AHI1: variants seen among roughly 807,000 people sequenced by gnomAD.
AHI1 encodes the protein jouberin.
In AHI1, 123 loss-of-function variants were observed where a neutral mutation model predicts 149.3. The ratio of observed to expected loss-of-function variants is 0.82; its 90% CI spans 0.71 to 0.96. The LOEUF (loss-of-function observed/expected upper bound fraction) is 0.96, where lower values mean the gene tolerates loss of function less well. Among genes scored for constraint, AHI1 ranks in the 40% least tolerant of loss-of-function variants. AHI1 has a pLI of 0.00. For missense variants in AHI1, 1,439 were observed against 1,422.7 expected, an observed-to-expected ratio of 1.01 and a Z score of -0.18; for synonymous variants, 475 against 459.8, an observed-to-expected ratio of 1.03 and a Z score of -0.42.
intron 3 of AHI1, chr6:135,492,828 T>A: frequency 1.0e-6 from 1 of 985,358 alleles, no homozygotes; most frequent in Non-Finnish European, 1.2e-6. Context: ...TATTACTGTG[T>A]CAGAACTACT....
chr6:135,363,093 C>T (rs2128443644), intron 23 of AHI1, among the ~76,000 whole-genome samples: 1 of 150,296 alleles, frequency 6.7e-6, no homozygotes, highest in African/African-American at 2.5e-5. Context: ...GTGTTTCTCG[C>T]AGAGGGGGAT....
chr6:135,365,115 A>C (rs958141614), intron 23 of AHI1, among the ~76,000 whole-genome samples: 1 of 152,190 alleles, frequency 6.6e-6, no homozygotes, highest in African/African-American at 2.4e-5. Context: ...GCTTTGTCGA[A>C]GATCAGTTGG....
chr6:135,360,866 A>G (rs1793757538), intron 23 of AHI1, among the ~76,000 whole-genome samples: 1 of 152,164 alleles, frequency 6.6e-6, no homozygotes. Context: ...CAGCAGAATA[A>G]AGAATCAATC....
At chr6:135,357,996 AT>A in intron 24 of AHI1, 135 bp downstream of exon 24, 1 of 698,712 alleles carries the variant, frequency 1.4e-6, no homozygotes, top group Non-Finnish European at 2.5e-6. Context: ...AACAACATTA[AT>A]ATGAACAAAT....
chr6:135,402,508 T>C (rs558049358), intron 22 of AHI1, among the ~76,000 whole-genome samples: 2 of 152,230 alleles, frequency 1.3e-5, no homozygotes, highest in East Asian at 3.9e-4. Flanking sequence ...CAGTTGACCC[T>C]TGAACAACAT....
In AHI1 at chr6:135,358,182, T is replaced by C. The variant is rs1253751925; in HGVS notation, c.3115A>G (p.Ile1039Val). The C allele has an allele frequency of 6.2e-7, 1 of 1,612,398 alleles. No homozygotes were observed. The highest frequency in any genetic ancestry group is 1.3e-5 in the African/African-American group (1 of 74,622). The part of the protein sequence containing the change: ...HQFGFTQTGI[I>V]SIERKPCNHQ... Reference sequence around the variant, plus strand: ...TTACAAGGCTTTCTTTCTATGCTGATAATCCCTGTGGAAAGAAAACATTGT... The same window carrying C: ...TTACAAGGCTTTCTTTCTATGCTGACAATCCCTGTGGAAAGAAAACATTGT... Residue 1039 changes from isoleucine to valine, a missense_variant, in exon 24 of 29, where the codon ATC becomes GTC. Ile to Val is a conservative substitution (Grantham distance 29). Coordinates refer to ENST00000265602, the MANE Select transcript of AHI1 (RefSeq NM_001134831.2).
chr6:135,374,141 T>A (rs1775545443), intron 23 of AHI1, among the ~76,000 whole-genome samples: 1 of 133,204 alleles, frequency 7.5e-6, no homozygotes. Context: ...TGAGATGGAG[T>A]CTTGCTCTGT....
intron 5 of AHI1, among the ~76,000 whole-genome samples, chr6:135,483,941 C>T: frequency 6.6e-6 from 1 of 152,206 alleles, no homozygotes; most frequent in Non-Finnish European, 1.5e-5. Context: ...GTGTATTAGT[C>T]CATTTTCACA....
chr6:135,442,221 A>C (rs1786407945), intron 14 of AHI1, among the ~76,000 whole-genome samples: 1 of 152,126 alleles, frequency 6.6e-6, no homozygotes, highest in Non-Finnish European at 1.5e-5. Context: ...GGCTTTTGTA[A>C]CTCAAATCAT....
At chr6:135,425,568 C>T (rs1450067759) in intron 20 of AHI1, among the ~76,000 whole-genome samples, 3 of 151,822 alleles carry the variant, frequency 2.0e-5, no homozygotes, top group Non-Finnish European at 4.4e-5. Context: ...CAGTCATGGT[C>T]TCATAGTATC....
chr6:135,380,927 A>T lies in AHI1; in HGVS notation c.3109+13849T>A, dbSNP rs139238039. Reference sequence around the variant, plus strand: ...TTAAATTTAAACTTTGAACATAAGCATGATGATTTAGAAAAAGATTTTCAT... The same window carrying T: ...TTAAATTTAAACTTTGAACATAAGCTTGATGATTTAGAAAAAGATTTTCAT... On this transcript the variant is annotated intron_variant, in intron 23 of 28. Coordinates refer to ENST00000265602, the MANE Select transcript of AHI1 (RefSeq NM_001134831.2). Among the ~76,000 whole-genome samples, 302 of 152,228 alleles carry T rather than the reference A, an allele frequency of 2.0e-3. 3 individuals are homozygous for T. The highest frequency in any genetic ancestry group is 0.016 in the East Asian group (81 of 5,172).
chr6:135,463,124 C>G lies in AHI1; in HGVS notation c.931+1G>C. ...TTTTTCATTTAATTTGTATAGCAAA[C>G]CTGCTTTAGTCTTCTTTTTTGTTTT... On this transcript the variant is annotated splice_donor_variant, in intron 8 of 28. Coordinates refer to ENST00000265602, the MANE Select transcript of AHI1 (RefSeq NM_001134831.2). LOFTEE classifies it high-confidence loss of function. 6.4e-7 allele frequency: 1 copy of G among 1,565,052 alleles called. No individual in the cohort carries two copies. The highest frequency in any genetic ancestry group is 1.2e-5 in the South Asian group (1 of 80,190).
At chr6:135,475,797 G>A (rs547880033) in intron 5 of AHI1, among the ~76,000 whole-genome samples, 1 of 152,068 alleles carries the variant, frequency 6.6e-6, no homozygotes, top group Admixed American at 6.6e-5. Context: ...ATTTTAATCT[G>A]TATCCTTTTA....
chr6:135,311,925 C>T (rs1477444857), intron 26 of AHI1, among the ~76,000 whole-genome samples: 1 of 152,130 alleles, frequency 6.6e-6, no homozygotes, highest in Non-Finnish European at 1.5e-5. Flanking sequence ...AGTGAAGAGC[C>T]AGCAACAAAT....
intron 14 of AHI1, among the ~76,000 whole-genome samples, chr6:135,441,002 G>A (rs926008775): frequency 2.0e-5 from 3 of 151,982 alleles, no homozygotes; most frequent in African/African-American, 7.2e-5. Flanking sequence ...AAGCCCAGAC[G>A]CTGGGCTTTC....
At chr6:135,482,773 T>C (rs980854086) in intron 5 of AHI1, among the ~76,000 whole-genome samples, 6 of 151,874 alleles carry the variant, frequency 4.0e-5, no homozygotes, top group African/African-American at 1.2e-4. Flanking sequence ...TTTGACTGAA[T>C]ATCTGACATT....
Position 135,398,058 on chromosome 6 carries a change from G to GTTTT in AHI1, c.2989-3166_2989-3163dup, listed in dbSNP as rs68148024. ...AAAAGAAACCAATAATACCCAGGAT[G>GTTTT]TTTTTTTTTTTTTTTTTTTTTTGCA... On this transcript the variant is annotated intron_variant, in intron 22 of 28. Coordinates refer to ENST00000265602, the MANE Select transcript of AHI1 (RefSeq NM_001134831.2). Among the ~76,000 whole-genome samples, 89 of 88,388 alleles carry GTTTT rather than the reference G, an allele frequency of 1.0e-3. 1 individual carries two copies. Among genetic ancestry groups the GTTTT allele is most frequent in the African/African-American group, 3.7e-3 (86 of 23,072 alleles). 58.0% of individuals were successfully genotyped at this position (88,388 alleles called of 152,430 possible).
chr6:135,413,166 A>G (rs1428548672), intron 20 of AHI1, among the ~76,000 whole-genome samples: 1 of 151,968 alleles, frequency 6.6e-6, no homozygotes, highest in Admixed American at 6.6e-5. Flanking sequence ...CTGTCTCTAT[A>G]AAAAATTGAA....
intron 14 of AHI1, among the ~76,000 whole-genome samples, chr6:135,439,028 ACTATATG>A (rs1243427259): frequency 6.6e-6 from 1 of 152,216 alleles, no homozygotes; most frequent in East Asian, 1.9e-4. Flanking sequence ...GTGGTATTTT[ACTATATG>A]TTTAAACATA....
Sources: gnomAD v4.1 joint callset for allele counts (sites outside exome capture counted in the v4.1 genomes callset) on GRCh38, gnomAD v4.1.1 for gene constraint, MANE v1.5 for transcripts, NCBI Gene and HGNC (gene_info 2026-07-23, HGNC 2026-07-21) for gene names.